The following DCAF17 variants were observed in gnomAD, a reference collection of about 807,000 sequenced individuals.
The protein encoded by DCAF17 is DDB1 and CUL4 associated factor 17, also known as DDB1- and CUL4-associated factor 17.
A neutral mutation model predicts 66.0 loss-of-function variants in DCAF17; 48 were observed. That is an observed-to-expected ratio of 0.73 (90% CI 0.58 to 0.92). The LOEUF (loss-of-function observed/expected upper bound fraction) is 0.92. Ranked by LOEUF, DCAF17 falls within the 40% of genes least tolerant of loss-of-function variation. DCAF17 has a pLI of 0.00. For synonymous variants in DCAF17, 206 were observed against 214.6 expected (o/e 0.96, Z 0.35); for missense variants, 562 against 622.8 (o/e 0.90, Z 1.04).
chr2:171,451,333 G>A (rs1694940414), intron 5 of DCAF17, among the ~76,000 whole-genome samples: 1 of 151,926 alleles, frequency 6.6e-6, no homozygotes, highest in Non-Finnish European at 1.5e-5. Context: ...CCTTTTATTG[G>A]AATCTCCTTA....
At chr2:171,477,953 TTG>T in intron 11 of DCAF17, 32 bp from the exon 12 acceptor site, 1 of 1,576,012 alleles carries the variant, frequency 6.3e-7, no homozygotes, top group Non-Finnish European at 8.7e-7. Flanking sequence ...GTAATAGAAC[TTG>T]TCATATCTTT....
In DCAF17 at chr2:171,484,015, G is replaced by C. The variant is rs1293359687; in HGVS notation, c.*2901G>C. ...ATAATCGTTTTTTACTGATGATTCA[G>C]TGTCTAAATTTTGAACAAATTTGGG... On this transcript the variant is annotated 3_prime_UTR_variant, in exon 14 of 14. Transcript: ENST00000375255. 4.4e-6 allele frequency: 2 copies of C among 453,736 alleles called. No individual in the cohort carries two copies. The highest frequency in any genetic ancestry group is 3.1e-5 in the South Asian group (2 of 64,394). 28.1% of individuals were successfully genotyped at this position (453,736 alleles called of 1,614,324 possible).
intron 6 of DCAF17, among the ~76,000 whole-genome samples, chr2:171,453,696 A>G (rs1455485851): frequency 6.6e-6 from 1 of 152,070 alleles, no homozygotes; most frequent in Non-Finnish European, 1.5e-5. Context: ...TGACTTGTGG[A>G]GCAGTTACAT....
At chr2:171,456,251 A>G (rs1421404424) in intron 6 of DCAF17, among the ~76,000 whole-genome samples, 1 of 152,004 alleles carries the variant, frequency 6.6e-6, no homozygotes, top group Non-Finnish European at 1.5e-5. Context: ...TTATCCCAGC[A>G]CCACAGGGAA....
chr2:171,449,972 A>T lies in DCAF17; in HGVS notation c.537+15A>T, dbSNP rs1694854535. Reference sequence around the variant, plus strand: ...TGGCCCGGCAGGTATACATATTTAAACATTCAATAAAATGAAGACTCTTTT... The same window carrying T: ...TGGCCCGGCAGGTATACATATTTAATCATTCAATAAAATGAAGACTCTTTT... On this transcript the variant is annotated intron_variant, in intron 5 of 13. Coordinates refer to ENST00000375255, the MANE Select transcript of DCAF17 (RefSeq NM_025000.4). 6.2e-7 allele frequency: 1 copy of T among 1,600,202 alleles called. No individual in the cohort carries two copies. The highest frequency in any genetic ancestry group is 1.3e-5 in the African/African-American group (1 of 74,754).
chr2:171,443,667 C>G (rs1299498539), intron 3 of DCAF17, 54 bp downstream of exon 3: 2 of 1,437,474 alleles, frequency 1.4e-6, no homozygotes, highest in East Asian at 2.3e-5. Flanking sequence ...CCTAGAAGAA[C>G]CAGTTATTAT....
chr2:171,462,344 T>G (rs1044821484), intron 8 of DCAF17, among the ~76,000 whole-genome samples: 20 of 152,130 alleles, frequency 1.3e-4, no homozygotes, highest in Admixed American at 1.3e-3. Flanking sequence ...GCAATTTCCT[T>G]AATATGTGAA....
chr2:171,455,077 C>T (rs991422121), intron 6 of DCAF17, among the ~76,000 whole-genome samples: 5 of 151,396 alleles, frequency 3.3e-5, no homozygotes, highest in African/African-American at 1.2e-4. Context: ...TATTTCATTC[C>T]TCAGGTTTAA....
intron 8 of DCAF17, among the ~76,000 whole-genome samples, chr2:171,460,537 A>AT (rs1177215981): frequency 4.8e-5 from 7 of 146,786 alleles, no homozygotes; most frequent in Non-Finnish European, 9.0e-5. Context: ...TATTATTATT[A>AT]TTATTAATTT....
At chr2:171,435,792 G>A (rs1693875115) in intron 2 of DCAF17, among the ~76,000 whole-genome samples, 1 of 151,998 alleles carries the variant, frequency 6.6e-6, no homozygotes, top group African/African-American at 2.4e-5. Flanking sequence ...ACATCAGTTT[G>A]CATTTTTAAA....
chr2:171,456,943 C>T (rs931928589), intron 6 of DCAF17, among the ~76,000 whole-genome samples: 1 of 152,328 alleles, frequency 6.6e-6, no homozygotes, highest in South Asian at 2.1e-4. Context: ...AGTTTGACTT[C>T]CTTTCTTCCT....
In DCAF17 at chr2:171,435,124, G is replaced by A. The variant is rs1330624226; in HGVS notation, c.168G>A (p.Arg56=). The change falls in exon 2 of 14, where the codon AGG becomes AGA. Residue 56 remains arginine (R), a synonymous_variant. Coordinates refer to ENST00000375255, the MANE Select transcript of DCAF17 (RefSeq NM_025000.4). ...AGAATGTCTGGACAACTCATTCCAG[G>A]TCACCTATAGCCTATGAGAGAGGAA... ...KFKNVWTTHS[R]SPIAYERGRI... 3 of 1,613,436 alleles carry A rather than the reference G, an allele frequency of 1.9e-6. No homozygotes were observed. The highest frequency in any genetic ancestry group is 2.5e-6 in the Non-Finnish European group (3 of 1,179,596).
chr2:171,435,004 T>G, intron 1 of DCAF17, 79 bp from the exon 2 acceptor site: 1 of 1,218,732 alleles, frequency 8.2e-7, no homozygotes, highest in Non-Finnish European at 1.2e-6. Flanking sequence ...ATAGGTGACA[T>G]TATGTTGCTT....
chr2:171,477,500 A>G (rs1389588340), intron 11 of DCAF17, among the ~76,000 whole-genome samples: 1 of 152,162 alleles, frequency 6.6e-6, no homozygotes, highest in African/African-American at 2.4e-5. Flanking sequence ...AAACTTTAAT[A>G]AAGTATTTTT....
rs773494648 is a variant in DCAF17, at chr2:171,441,990, CA to C, written c.231-1531del. ...ACAATTCTTCAGGATCATTTAATGT[CA>C]AGTTTATAACTTCCTGCTTTAACTT... On this transcript the variant is annotated intron_variant, in intron 2 of 13. Transcript: ENST00000375255. Among the ~76,000 whole-genome samples the C allele has an allele frequency of 2.0e-5, 3 of 151,920 alleles. No individual in the cohort carries two copies. In the East Asian group the frequency reaches 5.8e-4, roughly 29 times the overall value.
chr2:171,453,151 T>A lies in DCAF17; in HGVS notation c.565T>A (p.Tyr189Asn). The A allele has an allele frequency of 3.1e-6, 5 of 1,612,086 alleles. No homozygotes were observed. The highest frequency in any genetic ancestry group is 4.2e-6 in the Non-Finnish European group (5 of 1,178,958). Residue 189 changes from tyrosine to asparagine, a missense_variant, in exon 6 of 14, where the codon TAC becomes AAC. Transcript: ENST00000375255. ...AGGCATTCAACAACATGTTTTGCTG[T>A]ACCTTGCAGTGTTCCGAGTTCTACC... ...QAGIQQHVLL[Y>N]LAVFRVLPFS...
chr2:171,463,074 T>C (rs1344959806), intron 8 of DCAF17, among the ~76,000 whole-genome samples: 1 of 151,818 alleles, frequency 6.6e-6, no homozygotes, highest in Non-Finnish European at 1.5e-5. Flanking sequence ...CTACTAAAAA[T>C]ACAAAAATTA....
intron 8 of DCAF17, among the ~76,000 whole-genome samples, chr2:171,466,181 A>G (rs1190996442): frequency 6.6e-6 from 1 of 152,184 alleles, no homozygotes; most frequent in Non-Finnish European, 1.5e-5. Flanking sequence ...CTAAGTAAAC[A>G]TTTATTTGGT....
rs566558838 is a variant in DCAF17, at chr2:171,456,869, G to A, written c.628-1102G>A. On this transcript the variant is annotated intron_variant, in intron 6 of 13. Transcript: ENST00000375255. ...TTGCTGATGTTGCTTATCAGTTTAA[G>A]AAGCTTTTGGATTAGACAATGGGGT... 2.4e-4 allele frequency among the ~76,000 whole-genome samples: 36 copies of A among 152,342 alleles called. No individual in the cohort carries two copies. The Middle Eastern group carries it at 0.01, about 43-fold the overall frequency.
Sources: allele counts gnomAD v4.1 joint callset (sites outside exome capture counted in the v4.1 genomes callset), GRCh38; gene constraint gnomAD v4.1.1; transcripts MANE v1.5; gene names NCBI Gene and HGNC (gene_info 2026-07-23, HGNC 2026-07-21).